CIZ1: variants seen among roughly 807,000 people sequenced by gnomAD.
CIZ1 encodes CDKN1A interacting zinc finger protein 1.
A neutral mutation model predicts 118.6 loss-of-function variants in CIZ1; 58 were observed. That is an observed-to-expected ratio of 0.49 (90% CI 0.40 to 0.61). CIZ1 has a LOEUF of 0.61. Among genes scored for constraint, CIZ1 ranks in the 20% least tolerant of loss-of-function variants. CIZ1 has a pLI of 0.00. For missense variants in CIZ1, 921 were observed against 1,115.9 expected, an observed-to-expected ratio of 0.83 and a Z score of 2.49; for synonymous variants, 448 against 443.4, an observed-to-expected ratio of 1.01 and a Z score of -0.13.
intron 4 of CIZ1, among the ~76,000 whole-genome samples, chr9:128,186,983 A>G (rs1221790388): frequency 7.3e-6 from 1 of 137,468 alleles, no homozygotes; most frequent in African/African-American, 2.8e-5. Flanking sequence ...TCTGTTGCCC[A>G]GTCTGGAGTG....
At chr9:128,176,318 C>A in intron 11 of CIZ1, 33 bp downstream of exon 11, 2 of 1,610,222 alleles carry the variant, frequency 1.2e-6, no homozygotes, top group Non-Finnish European at 1.7e-6. Flanking sequence ...CTGCCTACCC[C>A]CCAACACAGA....
At chr9:128,181,770 G>T (rs7467855) in intron 5 of CIZ1, among the ~76,000 whole-genome samples, 3 of 145,684 alleles carry the variant, frequency 2.1e-5, no homozygotes, top group Non-Finnish European at 3.0e-5. Flanking sequence ...AAGGCGGGGG[G>T]GGGGGGGGGG....
upstream of CIZ1, among the ~76,000 whole-genome samples, chr9:128,192,462 C>A (rs1243841337): frequency 6.6e-6 from 1 of 151,948 alleles, no homozygotes; most frequent in Non-Finnish European, 1.5e-5. Context: ...CCCCAAGAAC[C>A]CCCTTAACAA....
At chr9:128,169,549 T>A in intron 12 of CIZ1, 30 bp from the exon 13 acceptor site, 1 of 1,610,676 alleles carries the variant, frequency 6.2e-7, no homozygotes, top group Non-Finnish European at 8.5e-7. Flanking sequence ...CCAAGCAGTG[T>A]CCCCAGCTGC....
intron 9 of CIZ1, 56 bp from the exon 10 acceptor site, chr9:128,177,819 C>G: frequency 8.0e-7 from 1 of 1,254,014 alleles, no homozygotes; most frequent in African/African-American, 1.5e-5. Flanking sequence ...AGTGGGCCAG[C>G]CCAGCATTCA....
At position 128,190,759 on chromosome 9, in the gene CIZ1, C is replaced by T. The variant is rs1221805372; in HGVS notation, c.99G>A (p.Gln33=). 4.5e-6 allele frequency: 7 copies of T among 1,545,280 alleles called. No homozygotes were observed. The South Asian group carries it at 8.3e-5, about 18-fold the overall frequency. Residue 33 remains glutamine (Q), a synonymous_variant, in exon 2 of 17, where the codon CAG becomes CAA. Coordinates refer to ENST00000372938, the MANE Select transcript of CIZ1 (RefSeq NM_001131016.2). Reference sequence around the variant, plus strand: ...GCAGCTGCTGGAGCTGCAGTAACTGCTGCTGCTGCAATTGCTGCTGCTGGA... The same window carrying T: ...GCAGCTGCTGGAGCTGCAGTAACTGTTGCTGCTGCAATTGCTGCTGCTGGA... ...QQLQQQQLQQ[Q]QLLQLQQLLQ... is the part of the protein sequence containing the mutation.
intron 4 of CIZ1, 69 bp from the exon 5 acceptor site, chr9:128,185,845 C>T: frequency 9.6e-7 from 1 of 1,041,776 alleles, no homozygotes; most frequent in Non-Finnish European, 1.5e-6. Context: ...GGTCAGGCAT[C>T]AGTGCCCCAG....
In CIZ1 at chr9:128,181,670, G is replaced by A. The variant is rs190966322; in HGVS notation, c.589-856C>T. 2.0e-4 allele frequency among the ~76,000 whole-genome samples: 30 copies of A among 151,986 alleles called. No individual in the cohort carries two copies. The East Asian group carries it at 2.1e-3, about 11-fold the overall frequency. ...TCCTTGGTCTAGCGGTGACGCCAGC[G>A]TCTGGGAAGACGCCCGTTACCAGGC... On this transcript the variant is annotated intron_variant, in intron 5 of 16. Transcript: ENST00000372938.
chr9:128,191,559 T>C lies in CIZ1; in HGVS notation c.-133A>G, dbSNP rs1833159236. 10 of 1,075,814 alleles carry C rather than the reference T, an allele frequency of 9.3e-6. No homozygotes were observed. The highest frequency in any genetic ancestry group is 1.7e-5 in the African/African-American group (1 of 60,212). The allele number at this position is 1,075,814 out of a possible 1,614,324, so 66.6% of individuals were successfully genotyped here. ...GCCTCCCCGCTGCTACTCCGGGGCC[T>C]GTGGGCTCGTAAGGCCCAAATGCGG... On this transcript the variant is annotated 5_prime_UTR_variant, in exon 1 of 17. Coordinates refer to ENST00000372938, the MANE Select transcript of CIZ1 (RefSeq NM_001131016.2). This position sits in a 1 kb window ranked among gnomAD's most constrained non-coding sequence, Gnocchi z 5.5.
intron 1 of CIZ1, among the ~76,000 whole-genome samples, chr9:128,202,330 A>C (rs1423208928): frequency 6.6e-6 from 1 of 152,136 alleles, no homozygotes; most frequent in Non-Finnish European, 1.5e-5. Context: ...AAATGCAGAG[A>C]TGGACGGCTG....
chr9:128,180,064 A>G (rs1211976811), intron 7 of CIZ1, among the ~76,000 whole-genome samples: 5 of 152,160 alleles, frequency 3.3e-5, no homozygotes, highest in Non-Finnish European at 5.9e-5. Flanking sequence ...TCACCTAAAT[A>G]AACCGGGGAG....
Position 128,179,358 on chromosome 9 carries a change from C to A in CIZ1, c.849G>T (p.Pro283=), listed in dbSNP as rs370276550. 2.5e-6 allele frequency: 4 copies of A among 1,613,542 alleles called. No homozygotes were observed. Among genetic ancestry groups the A allele is most frequent in the African/African-American group, 1.3e-5 (1 of 74,896 alleles). Reference sequence around the variant, plus strand: ...GTTTCGGTACTGTCATCCGGGCCTGCGGCTGGGCCTTCACCTGTAACTGCC... The same window carrying A: ...GTTTCGGTACTGTCATCCGGGCCTGAGGCTGGGCCTTCACCTGTAACTGCC... ...PPGQLQVKAQ[P]QARMTVPKQT... is the part of the protein sequence containing the mutation. The change falls in exon 8 of 17, where the codon CCG becomes CCT. Residue 283 remains proline (P), a synonymous_variant. Transcript: ENST00000372938.
Position 128,177,548 on chromosome 9 carries a change from T to TAAAAAAA in CIZ1, c.1818+17_1818+18insTTTTTTT. 1 of 460,936 alleles carries TAAAAAAA rather than the reference T, an allele frequency of 2.2e-6. No individual in the cohort carries two copies. The highest frequency in any genetic ancestry group is 3.9e-6 in the Non-Finnish European group (1 of 257,492). The allele number at this position is 460,936 out of a possible 1,614,324, so 28.6% of individuals were successfully genotyped here. On this transcript the variant is annotated intron_variant, in intron 10 of 16. Transcript: ENST00000372938. The stretch of plus-strand genomic sequence containing the variant: ...CGCAGGCCCCACCCCTCCCCACCCT[T>TAAAAAAA]ATCTCCTGTATCAGTACCTGCTGGC...
Position 128,179,432 on chromosome 9 carries a change from A to C in CIZ1, c.792-17T>G, listed in dbSNP as rs1831283804. 1 of 1,548,600 alleles carries C rather than the reference A, an allele frequency of 6.5e-7. No homozygotes were observed. Among genetic ancestry groups the C allele is most frequent in the Admixed American group, 2.1e-5 (1 of 47,248 alleles). On this transcript the variant is annotated splice_polypyrimidine_tract_variant and intron_variant, in intron 7 of 16. Coordinates refer to ENST00000372938, the MANE Select transcript of CIZ1 (RefSeq NM_001131016.2). ...TCTTCTGAGCTAGGAAGGATCAAAA[A>C]AAAATCCCAGTCATGTCTTCAAAGA...
chr9:128,189,777 A>C (rs1012799400), intron 3 of CIZ1, among the ~76,000 whole-genome samples: 1 of 127,464 alleles, frequency 7.8e-6, no homozygotes, highest in African/African-American at 3.0e-5. Context: ...CCAAGATTGC[A>C]CCATTGCACT....
Position 128,191,281 on chromosome 9 carries a change from G to A in CIZ1, c.-6+151C>T, listed in dbSNP as rs1833111135. ...TCGGCACCCGTCCAACCCGGTCACC[G>A]TGGTCCTGAGCTCCGTGGGACGGCT... On this transcript the variant is annotated intron_variant, in intron 1 of 16. Transcript: ENST00000372938. This position sits in a 1 kb window ranked among gnomAD's most constrained non-coding sequence, Gnocchi z 5.5. 4.5e-6 allele frequency: 1 copy of A among 222,450 alleles called. No individual in the cohort carries two copies. Among genetic ancestry groups the A allele is most frequent in the Non-Finnish European group, 8.2e-6 (1 of 121,446 alleles). 13.8% of individuals were successfully genotyped at this position (222,450 alleles called of 1,614,324 possible).
Position 128,203,493 on chromosome 9 carries a change from A to G in CIZ1, c.-6+693T>C. 6.5e-7 allele frequency: 1 copy of G among 1,529,494 alleles called. No homozygotes were observed. The highest frequency in any genetic ancestry group is 8.8e-7 in the Non-Finnish European group (1 of 1,141,632). The allele number at this position is 1,529,494 out of a possible 1,614,324, so 94.7% of individuals were successfully genotyped here. ...GCCATGGGCAACCGCGGCATGGAAG[A>G]TCTCATCCCGCTGGTCAACCGGCTG... On this transcript the variant is annotated intron_variant, in intron 1 of 17. Coordinates refer to the CIZ1 transcript ENST00000372948. This position sits in a 1 kb window ranked among gnomAD's most constrained non-coding sequence, Gnocchi z 5.3.
chr9:128,180,852 C>G, intron 5 of CIZ1, 38 bp from the exon 6 acceptor site: 4 of 1,454,032 alleles, frequency 2.8e-6, no homozygotes, highest in Non-Finnish European at 3.8e-6. Context: ...ATCCAATACC[C>G]ACCCCTATCA....
At chr9:128,186,749 C>T (rs539860497) in intron 4 of CIZ1, among the ~76,000 whole-genome samples, 4 of 152,220 alleles carry the variant, frequency 2.6e-5, no homozygotes, top group South Asian at 4.1e-4. Context: ...CCTGTGCCGT[C>T]CTTCAGACAT....
Sources: gnomAD v4.1 joint callset for allele counts (sites outside exome capture counted in the v4.1 genomes callset) on GRCh38, gnomAD v4.1.1 for gene constraint, Gnocchi (gnomAD v3.1) non-coding constraint, MANE v1.5 for transcripts, NCBI Gene and HGNC (gene_info 2026-07-23, HGNC 2026-07-21) for gene names.